The following CCDC13 variants were observed in gnomAD, a reference collection of about 807,000 sequenced individuals.
CCDC13 encodes coiled-coil domain-containing protein 13.
In CCDC13, 70 loss-of-function variants were observed where a neutral mutation model predicts 87.3. The ratio of observed to expected loss-of-function variants is 0.80; its 90% CI spans 0.66 to 0.98. CCDC13 has a LOEUF of 0.98. Ranked by LOEUF, CCDC13 falls within the 50% of genes least tolerant of loss-of-function variation. The probability of loss-of-function intolerance (pLI) is 0.00; values close to 1 mark genes in which losing one functional copy is unlikely to be tolerated. For synonymous variants in CCDC13, 317 were observed against 360.3 expected (o/e 0.88, Z 1.36); for missense variants, 842 against 892.0 (o/e 0.94, Z 0.71).
At chr3:42,704,733 G>A (rs113250114), downstream of CCDC13, 27 of 152,850 alleles carry the variant, frequency 1.8e-4, no homozygotes, top group Middle Eastern at 3.4e-3. Context: ...GTCTGAGGGG[G>A]GTGGCAGGGG....
chr3:42,742,010 C>G (rs923009051), intron 8 of CCDC13, among the ~76,000 whole-genome samples: 2 of 152,256 alleles, frequency 1.3e-5, no homozygotes, highest in South Asian at 4.1e-4. Context: ...GCCAGGGCCA[C>G]TACGTGGGCC....
intron 15 of CCDC13, 24 bp from the exon 16 acceptor site, chr3:42,709,163 A>G: frequency 6.3e-7 from 1 of 1,599,076 alleles, no homozygotes; most frequent in Non-Finnish European, 8.5e-7. Flanking sequence ...GACAGTGCTC[A>G]GTGTGGCTGG....
chr3:42,731,192 A>G (rs1321135360), intron 12 of CCDC13, among the ~76,000 whole-genome samples: 6 of 149,822 alleles, frequency 4.0e-5, no homozygotes, highest in Non-Finnish European at 7.4e-5. Context: ...TGTGAGTTCC[A>G]AGCTGCTCTC....
intron 9 of CCDC13, among the ~76,000 whole-genome samples, chr3:42,737,180 T>C (rs183145881): frequency 0.018 from 2,798 of 152,204 alleles, 75 homozygotes; most frequent in African/African-American, 0.064. Context: ...TTTCTGTCCT[T>C]GTGATAGTTT....
chr3:42,747,084 G>A lies in CCDC13; in HGVS notation c.720+173C>T, dbSNP rs957317772. 2.2e-5 allele frequency: 16 copies of A among 742,444 alleles called. No individual in the cohort carries two copies. The Admixed American group carries it at 2.9e-4, about 13-fold the overall frequency. The allele number at this position is 742,444 out of a possible 1,614,324, so 46.0% of individuals were successfully genotyped here. A position where few individuals can be genotyped will look rare whatever the true frequency, so the allele number is the denominator to read the frequency against. ...GCGACTCTGCCCACCAAATGGTTATGGACCAAGGGCTGGTGGGAGGAAGGA... is the reference window on the plus strand; with the variant it reads ...GCGACTCTGCCCACCAAATGGTTATAGACCAAGGGCTGGTGGGAGGAAGGA... On this transcript the variant is annotated intron_variant, in intron 6 of 15. Transcript: ENST00000310232.
chr3:42,709,482 TG>T (rs772974630), intron 15 of CCDC13, among the ~76,000 whole-genome samples: 3 of 152,228 alleles, frequency 2.0e-5, no homozygotes, highest in Non-Finnish European at 4.4e-5. Flanking sequence ...TCTTGGACTA[TG>T]GGTCATTGGG....
intron 1 of CCDC13, among the ~76,000 whole-genome samples, chr3:42,766,013 G>A (rs945104593): frequency 6.6e-6 from 1 of 152,174 alleles, no homozygotes; most frequent in Non-Finnish European, 1.5e-5. Flanking sequence ...TCTCTGGGAA[G>A]CCATGTGGGC....
chr3:42,756,589 CT>C (rs556028100), intron 3 of CCDC13, among the ~76,000 whole-genome samples: 287 of 142,414 alleles, frequency 2.0e-3, no homozygotes, highest in Middle Eastern at 3.6e-3. Flanking sequence ...TCTACTGGGG[CT>C]TTTTTTTTTT....
In CCDC13 at chr3:42,742,981, T is replaced by C. The variant is rs1699267060; in HGVS notation, c.902A>G (p.Tyr301Cys). 6 of 1,614,180 alleles carry C rather than the reference T, an allele frequency of 3.7e-6. No individual in the cohort carries two copies. Among genetic ancestry groups the C allele is most frequent in the Non-Finnish European group, 5.1e-6 (6 of 1,180,024 alleles). The change falls in exon 8 of 16, where the codon TAT becomes TGT. Residue 301 changes from tyrosine to cysteine, a missense_variant. Transcript: ENST00000310232. ...TGCCGACAGCTTCCTTGGGTCTGGA[T>C]AGACAGACAACTCATCACTGGCTGT... The part of the protein sequence containing the change: ...AGTASDELSV[Y>C]PDPRKLSAQE...
In CCDC13 at chr3:42,709,083, A is replaced by C. The variant is rs375321369; in HGVS notation, c.2045T>G (p.Leu682Arg). ...EMLKAALGSA[L>R]RGKEEDFRMY... ...CCGGAAGTCCTCCTCCTTTCCCCGC[A>C]GGGCACTGCCCAGGGCAGCCTTTAG... Residue 682 changes from leucine (L) to arginine (R), a missense_variant, in exon 16 of 16, where the codon CTG becomes CGG. Coordinates refer to ENST00000310232, the MANE Select transcript of CCDC13 (RefSeq NM_144719.4). 5.0e-6 allele frequency: 8 copies of C among 1,613,872 alleles called. No homozygotes were observed. Among genetic ancestry groups the C allele is most frequent in the Non-Finnish European group, 6.8e-6 (8 of 1,179,830 alleles).
At chr3:42,721,480 T>G (rs1698558241) in intron 13 of CCDC13, among the ~76,000 whole-genome samples, 1 of 152,242 alleles carries the variant, frequency 6.6e-6, no homozygotes, top group Admixed American at 6.5e-5. Context: ...TAAAGTAATC[T>G]TTTTAATTTT....
At chr3:42,752,231 G>A (rs1699603178) in intron 4 of CCDC13, among the ~76,000 whole-genome samples, 2 of 152,034 alleles carry the variant, frequency 1.3e-5, no homozygotes, top group African/African-American at 4.8e-5. Context: ...TTCCCTAATC[G>A]TACTATAAAA....
At chr3:42,750,397 G>A (rs538464998) in intron 5 of CCDC13, among the ~76,000 whole-genome samples, 87 of 152,268 alleles carry the variant, frequency 5.7e-4, no homozygotes, top group African/African-American at 2.0e-3. Context: ...TCCTGCCTTC[G>A]AATGACTTCT....
chr3:42,756,266 C>T (rs1475322872), intron 3 of CCDC13, among the ~76,000 whole-genome samples: 1 of 152,220 alleles, frequency 6.6e-6, no homozygotes, highest in East Asian at 1.9e-4. Context: ...ATATACATAA[C>T]ACAGGACAAT....
intron 10 of CCDC13, 33 bp from the exon 11 acceptor site, chr3:42,733,642 G>C (rs767801266): frequency 1.3e-6 from 2 of 1,568,122 alleles, no homozygotes; most frequent in East Asian, 4.6e-5. Context: ...CATCCTCAGG[G>C]CTTTGGCTCA....
intron 3 of CCDC13, among the ~76,000 whole-genome samples, chr3:42,756,207 T>G (rs1699700364): frequency 6.6e-6 from 1 of 152,220 alleles, no homozygotes; most frequent in South Asian, 2.1e-4. Context: ...ATTGGTGACA[T>G]CTATAATACT....
At chr3:42,757,321 C>T in intron 2 of CCDC13, 107 bp from the exon 3 acceptor site, 2 of 1,050,984 alleles carry the variant, frequency 1.9e-6, no homozygotes, top group South Asian at 1.8e-5. Context: ...GATGCAGACA[C>T]ACTGACGTGA....
At chr3:42,760,288 G>A (rs1390194272) in intron 1 of CCDC13, among the ~76,000 whole-genome samples, 1 of 140,320 alleles carries the variant, frequency 7.1e-6, no homozygotes, top group Admixed American at 7.5e-5. Context: ...CAAAATTCTT[G>A]TCTCTAAATA....
chr3:42,741,243 C>A (rs1037601292), intron 8 of CCDC13, among the ~76,000 whole-genome samples: 14 of 152,160 alleles, frequency 9.2e-5, no homozygotes, highest in Admixed American at 5.2e-4. Context: ...TCCAATCAGT[C>A]CTTGAGCCCT....
Sources: allele counts gnomAD v4.1 joint callset (sites outside exome capture counted in the v4.1 genomes callset), GRCh38; gene constraint gnomAD v4.1.1; transcripts MANE v1.5; gene names NCBI Gene and HGNC (gene_info 2026-07-23, HGNC 2026-07-21).